The following KCNH8 variants were observed in gnomAD, a reference collection of about 807,000 sequenced individuals.
KCNH8 encodes potassium voltage-gated channel subfamily H member 8, also known as voltage-gated delayed rectifier potassium channel KCNH8.
A neutral mutation model predicts 103.6 loss-of-function variants in KCNH8; 70 were observed. The observed-to-expected ratio is 0.68, with a 90% CI of 0.56 to 0.82. KCNH8 has a LOEUF of 0.82. Among genes scored for constraint, KCNH8 ranks in the 40% least tolerant of loss-of-function variants. The pLI is 0.00. For synonymous variants in KCNH8, 498 were observed against 489.4 expected (o/e 1.02, Z -0.23); for missense variants, 1,217 against 1,329.9 (o/e 0.92, Z 1.32).
At chr3:19,210,099 T>C (rs921942061) in intron 1 of KCNH8, among the ~76,000 whole-genome samples, 3 of 152,210 alleles carry the variant, frequency 2.0e-5, no homozygotes, top group African/African-American at 7.2e-5. Flanking sequence ...CTGCAAGATC[T>C]CTTCCCATTC....
intron 9 of KCNH8, 123 bp from the exon 10 acceptor site, chr3:19,451,032 T>A: frequency 1.2e-6 from 1 of 868,216 alleles, no homozygotes; most frequent in Admixed American, 2.1e-5. Flanking sequence ...AGATTTCCTC[T>A]TCTGTATGCT....
intron 1 of KCNH8, among the ~76,000 whole-genome samples, chr3:19,240,660 A>G (rs2064128342): frequency 2.6e-5 from 4 of 151,898 alleles, no homozygotes; most frequent in Admixed American, 6.6e-5. Flanking sequence ...TCAACTGCAT[A>G]CTTTATATCT....
At chr3:19,152,627 T>A (rs2063141551) in intron 1 of KCNH8, among the ~76,000 whole-genome samples, 1 of 152,194 alleles carries the variant, frequency 6.6e-6, no homozygotes, top group Admixed American at 6.5e-5. Context: ...CTGTTTGAAA[T>A]GGTCCAAAGA....
At chr3:19,496,433 C>T (rs1173876391) in intron 11 of KCNH8, among the ~76,000 whole-genome samples, 4 of 152,148 alleles carry the variant, frequency 2.6e-5, no homozygotes, top group Non-Finnish European at 4.4e-5. Flanking sequence ...AAAGACTTTT[C>T]TGCATCTATT....
intron 2 of KCNH8, among the ~76,000 whole-genome samples, chr3:19,262,730 C>T (rs544221705): frequency 1.2e-4 from 19 of 152,056 alleles, no homozygotes; most frequent in African/African-American, 3.6e-4. Context: ...CTAGCGTGGA[C>T]GACACTTGTA....
rs150512510 is a variant in KCNH8, at chr3:19,496,064, C to A, written c.2041-14299C>A. Among the ~76,000 whole-genome samples the A allele has an allele frequency of 4.4e-3, 672 of 152,242 alleles. 4 individuals carry two copies. Among genetic ancestry groups the A allele is most frequent in the South Asian group, 0.019 (94 of 4,828 alleles). On this transcript the variant is annotated intron_variant, in intron 11 of 15. Coordinates refer to ENST00000328405, the MANE Select transcript of KCNH8 (RefSeq NM_144633.3). ...CATTGATTTTGTACCTGAAACTTTG[C>A]TGAAATTGTTTATCAGATCACAGAG...
intron 15 of KCNH8, among the ~76,000 whole-genome samples, chr3:19,529,500 A>T (rs901825903): frequency 2.0e-5 from 3 of 152,152 alleles, no homozygotes; most frequent in Admixed American, 2.0e-4. Flanking sequence ...TTACCATGCT[A>T]TGAAGAAGCA....
intron 1 of KCNH8, among the ~76,000 whole-genome samples, chr3:19,178,740 T>C (rs569811273): frequency 1.3e-5 from 2 of 152,296 alleles, no homozygotes; most frequent in Admixed American, 6.5e-5. Flanking sequence ...TTTGGACTTA[T>C]GGTTCAGGTC....
chr3:19,253,710 T>C lies in KCNH8; in HGVS notation c.133T>C (p.Cys45Arg). Residue 45 changes from cysteine to arginine, a missense_variant, in exon 2 of 16, where the codon TGT becomes CGT. Coordinates refer to ENST00000328405, the MANE Select transcript of KCNH8 (RefSeq NM_144633.3). ...GGCTAAGGGTTTCCCCATAGTCTAC[T>C]GTTCCGATGGCTTCTGCGAGCTTGC... ...QVAKGFPIVY[C>R]SDGFCELAGF... is the part of the protein sequence containing the mutation. 6.2e-7 allele frequency: 1 copy of C among 1,613,858 alleles called. No individual in the cohort carries two copies. Among genetic ancestry groups the C allele is most frequent in the Non-Finnish European group, 8.5e-7 (1 of 1,179,934 alleles).
In KCNH8 at chr3:19,423,088, G is replaced by A. The variant is rs534246296; in HGVS notation, c.1178-15076G>A. ...CTCAACACCAGCATAAGGATTGAATGCCAGCAACCTGAAATCTTGAGTATA... is the reference window on the plus strand; with the variant it reads ...CTCAACACCAGCATAAGGATTGAATACCAGCAACCTGAAATCTTGAGTATA... On this transcript the variant is annotated intron_variant, in intron 7 of 15. Transcript: ENST00000328405. Among the ~76,000 whole-genome samples the A allele has an allele frequency of 1.2e-4, 19 of 152,092 alleles. No individual in the cohort carries two copies. The South Asian group carries it at 3.3e-3, about 27-fold the overall frequency.
chr3:19,367,392 C>A (rs143973753), intron 5 of KCNH8, among the ~76,000 whole-genome samples: 10,492 of 144,240 alleles, frequency 0.073, 548 homozygotes, highest in East Asian at 0.15. Flanking sequence ...CTCTCTCTCT[C>A]TCTATATATA....
chr3:19,468,130 ATAT>A (rs751701558), intron 11 of KCNH8, among the ~76,000 whole-genome samples: 2 of 152,160 alleles, frequency 1.3e-5, no homozygotes, highest in Non-Finnish European at 2.9e-5. Flanking sequence ...GCAGGATCTA[ATAT>A]TATTTTAATT....
At chr3:19,489,356 T>C (rs1345619926) in intron 11 of KCNH8, among the ~76,000 whole-genome samples, 1 of 152,130 alleles carries the variant, frequency 6.6e-6, no homozygotes, top group Admixed American at 6.5e-5. Context: ...AACTGTCCCT[T>C]TGCTACTAGT....
At chr3:19,272,735 C>G (rs2064606465) in intron 2 of KCNH8, among the ~76,000 whole-genome samples, 1 of 152,100 alleles carries the variant, frequency 6.6e-6, no homozygotes, top group South Asian at 2.1e-4. Context: ...GAATGTCATG[C>G]TACAATCCTA....
At chr3:19,441,038 A>G (rs1575070114) in intron 8 of KCNH8, among the ~76,000 whole-genome samples, 1 of 152,182 alleles carries the variant, frequency 6.6e-6, no homozygotes, top group African/African-American at 2.4e-5. Flanking sequence ...GGCAGGCAGG[A>G]GGAGGGGAGG....
intron 3 of KCNH8, among the ~76,000 whole-genome samples, chr3:19,294,892 T>A (rs1366163305): frequency 1.3e-5 from 2 of 152,208 alleles, no homozygotes; most frequent in Non-Finnish European, 2.9e-5. Context: ...GTGGATTGCA[T>A]TCGTTCTGAT....
At chr3:19,487,929 C>T (rs1186901296) in intron 11 of KCNH8, among the ~76,000 whole-genome samples, 7 of 152,228 alleles carry the variant, frequency 4.6e-5, no homozygotes, top group Middle Eastern at 3.4e-3. Context: ...TCTGTTGCTC[C>T]GATTATATCA....
Position 19,533,465 on chromosome 3 carries a change from AC to A in KCNH8, c.2691del (p.Asn897LysfsTer113). 6.2e-7 allele frequency: 1 copy of A among 1,614,100 alleles called. No homozygotes were observed. The highest frequency in any genetic ancestry group is 8.5e-7 in the Non-Finnish European group (1 of 1,180,016). The part of the protein sequence containing the change: ...DMRNVIQLLE[N>X]VLSPQQPSRF... ...AGAAATGTGATCCAGCTTCTGGAAA[AC>A]GTTCTGTCACCTCAGCAGCCATCAC... On this transcript the variant is annotated frameshift_variant, in exon 16 of 16. Transcript: ENST00000328405. LOFTEE classifies it high-confidence loss of function.
chr3:19,535,115 A>C lies in KCNH8; in HGVS notation c.*1016A>C, dbSNP rs754562380. 1.3e-5 allele frequency: 2 copies of C among 152,156 alleles called. No individual in the cohort carries two copies. Among genetic ancestry groups the C allele is most frequent in the African/African-American group, 2.4e-5 (1 of 41,430 alleles). 9.4% of individuals were successfully genotyped at this position (152,156 alleles called of 1,614,324 possible). On this transcript the variant is annotated 3_prime_UTR_variant, in exon 16 of 16. Transcript: ENST00000328405. Reference sequence around the variant, plus strand: ...TCGTATTTTGTTGCTCAAGAATCCAAAATGGGTCTGTGGACATAGGGCAAT... The same window carrying C: ...TCGTATTTTGTTGCTCAAGAATCCACAATGGGTCTGTGGACATAGGGCAAT...
Sources: gnomAD v4.1 joint callset for allele counts (sites outside exome capture counted in the v4.1 genomes callset) on GRCh38, gnomAD v4.1.1 for gene constraint, MANE v1.5 for transcripts, NCBI Gene and HGNC (gene_info 2026-07-23, HGNC 2026-07-21) for gene names.